USP18: variants seen among roughly 807,000 people sequenced by gnomAD.
USP18 encodes the protein ubiquitin specific peptidase 18, also known as ubl carboxyl-terminal hydrolase 18.
USP18 carries 11 observed loss-of-function variants against 48.7 expected under a neutral mutation model. The observed-to-expected ratio is 0.23, with a 90% CI of 0.14 to 0.37. The LOEUF (loss-of-function observed/expected upper bound fraction) is 0.37. Among genes scored for constraint, USP18 ranks in the 10% least tolerant of loss-of-function variants. USP18 has a pLI of 1.00. For missense variants in USP18, 285 were observed against 436.4 expected (o/e 0.65, Z 3.09); for synonymous variants, 114 against 163.2 (o/e 0.70, Z 2.30).
chr22:18,173,449 G>T (rs1321352039), intron 9 of USP18, among the ~76,000 whole-genome samples, 168 bp downstream of exon 9: 1 of 152,156 alleles, frequency 6.6e-6, no homozygotes, highest in East Asian at 1.9e-4. Flanking sequence ...AAGTCCCCAT[G>T]TGGTTTGCAC....
intron 1 of USP18, among the ~76,000 whole-genome samples, chr22:18,151,656 GTT>G (rs1009010474): frequency 1.4e-5 from 2 of 146,596 alleles, no homozygotes. Flanking sequence ...TCCACGAGCT[GTT>G]TTTTTTTTTG....
Position 18,160,182 on chromosome 22 carries a change from T to C in USP18, c.168T>C (p.Gly56=). 1 of 1,614,166 alleles carries C rather than the reference T, an allele frequency of 6.2e-7. No homozygotes were observed. The highest frequency in any genetic ancestry group is 1.1e-5 in the South Asian group (1 of 91,088). The part of the protein sequence containing the change: ...RAWDYPHGLV[G]LHNIGQTCCL... Reference sequence around the variant, plus strand: ...CTCTTCCCCTTATAGGCCTGGTTGGTTTACACAACATTGGACAGACCTGCT... The same window carrying C: ...CTCTTCCCCTTATAGGCCTGGTTGGCTTACACAACATTGGACAGACCTGCT... The change falls in exon 3 of 11, where the codon GGT becomes GGC. Residue 56 remains glycine (G), a synonymous_variant. Coordinates refer to ENST00000215794, the MANE Select transcript of USP18 (RefSeq NM_017414.4).
chr22:18,175,443 T>C (rs1381699706), intron 10 of USP18, among the ~76,000 whole-genome samples: 1 of 149,896 alleles, frequency 6.7e-6, no homozygotes, highest in Non-Finnish European at 1.5e-5. Context: ...TTGTTTATTC[T>C]GAACATCCAT....
intron 10 of USP18, among the ~76,000 whole-genome samples, chr22:18,175,723 C>T (rs1034301884): frequency 8.1e-5 from 12 of 147,350 alleles, no homozygotes; most frequent in African/African-American, 3.2e-4. Context: ...ACCTTTAATC[C>T]CGGCAATTTG....
chr22:18,158,519 A>G (rs1929232220), intron 2 of USP18, among the ~76,000 whole-genome samples: 1 of 152,042 alleles, frequency 6.6e-6, no homozygotes, highest in South Asian at 2.1e-4. Flanking sequence ...CCAGGTTGTT[A>G]CTTTCTTACT....
At chr22:18,168,780 A>G (rs2085725883) in intron 6 of USP18, among the ~76,000 whole-genome samples, 1 of 152,078 alleles carries the variant, frequency 6.6e-6, no homozygotes, top group African/African-American at 2.4e-5. Context: ...TCAAACCATT[A>G]CACCACACAG....
intron 8 of USP18, among the ~76,000 whole-genome samples, chr22:18,172,211 T>C (rs1481202729): frequency 2.0e-5 from 3 of 152,250 alleles, no homozygotes; most frequent in Admixed American, 1.3e-4. Flanking sequence ...CCAAAACTCA[T>C]GGCAGGTCTT....
chr22:18,161,196 G>T (rs866781035), intron 3 of USP18, among the ~76,000 whole-genome samples: 2 of 150,092 alleles, frequency 1.3e-5, no homozygotes, highest in Admixed American at 6.6e-5. Flanking sequence ...AAGTCAGTGG[G>T]GAGTACACAC....
intron 9 of USP18, among the ~76,000 whole-genome samples, chr22:18,173,561 G>A (rs1471286599): frequency 2.6e-5 from 4 of 152,186 alleles, no homozygotes; most frequent in Non-Finnish European, 5.9e-5. Context: ...AGCAACGAGT[G>A]TTAGAAATAT....
chr22:18,173,468 G>C (rs1451921488), intron 9 of USP18, among the ~76,000 whole-genome samples, 187 bp downstream of exon 9: 1 of 152,126 alleles, frequency 6.6e-6, no homozygotes, highest in East Asian at 1.9e-4. Context: ...ACCTCTGTAA[G>C]GGTTCAATTC....
intron 4 of USP18, 133 bp downstream of exon 4, chr22:18,162,068 G>A: frequency 8.7e-7 from 1 of 1,151,570 alleles, no homozygotes; most frequent in Non-Finnish European, 1.2e-6. Context: ...TCAGATTATA[G>A]AGACATTTGT....
At position 18,166,556 on chromosome 22, in the gene USP18, C is replaced by T. The variant is rs536143140; in HGVS notation, c.401-699C>T. Among the ~76,000 whole-genome samples the T allele has an allele frequency of 5.3e-5, 8 of 151,394 alleles. No homozygotes were observed. The East Asian group carries it at 1.6e-3, about 29-fold the overall frequency. On this transcript the variant is annotated intron_variant, in intron 4 of 10. Coordinates refer to ENST00000215794, the MANE Select transcript of USP18 (RefSeq NM_017414.4). ...GATAATGTAAGGTGGCAACACTGGA[C>T]ATCAGAGATCCCCACAGCAGGGTTT...
chr22:18,164,874 C>G (rs1242524036), intron 4 of USP18, among the ~76,000 whole-genome samples: 2 of 152,072 alleles, frequency 1.3e-5, no homozygotes, highest in East Asian at 3.9e-4. Flanking sequence ...CAAACCCTCC[C>G]CTCTCCAGGA....
chr22:18,159,485 T>A (rs924134174), intron 2 of USP18, among the ~76,000 whole-genome samples: 2 of 149,878 alleles, frequency 1.3e-5, no homozygotes. Context: ...AGAAAAACAT[T>A]AGATTTTTGT....
chr22:18,171,510 T>G (rs1361714784), intron 8 of USP18, among the ~76,000 whole-genome samples: 1 of 151,046 alleles, frequency 6.6e-6, no homozygotes, highest in Non-Finnish European at 1.5e-5. Context: ...GCACAAACCT[T>G]TAGTCCCAGC....
At chr22:18,160,116 G>A (rs1929287157) in intron 2 of USP18, 56 bp from the exon 3 acceptor site, 4 of 1,553,868 alleles carry the variant, frequency 2.6e-6, no homozygotes, top group South Asian at 1.1e-5. Flanking sequence ...GCCCAGCCTT[G>A]TCAACTTCTT....
intron 9 of USP18, 50 bp from the exon 10 acceptor site, chr22:18,173,743 G>A: frequency 6.2e-7 from 1 of 1,604,636 alleles, no homozygotes; most frequent in Non-Finnish European, 8.5e-7. Context: ...TGTCCTCTGT[G>A]GGTGCTTGTG....
chr22:18,158,889 C>T (rs75435688), intron 2 of USP18, among the ~76,000 whole-genome samples: 4,197 of 152,144 alleles, frequency 0.028, 100 homozygotes, highest in African/African-American at 0.068. Flanking sequence ...CCGTGGAGAA[C>T]GATTTGAATG....
At chr22:18,152,216 G>T (rs1196307879) in intron 1 of USP18, among the ~76,000 whole-genome samples, 1 of 152,116 alleles carries the variant, frequency 6.6e-6, no homozygotes, top group African/African-American at 2.4e-5. Flanking sequence ...TTCCTTTTAG[G>T]GCATCTAAAT....
Sources: gnomAD v4.1 joint callset for allele counts (sites outside exome capture counted in the v4.1 genomes callset) on GRCh38, gnomAD v4.1.1 for gene constraint, MANE v1.5 for transcripts, NCBI Gene and HGNC (gene_info 2026-07-23, HGNC 2026-07-21) for gene names.